The following ETV5 variants were observed in gnomAD, a reference collection of about 807,000 sequenced individuals.
The protein encoded by ETV5 is ETS translocation variant 5.
Under a neutral mutation model 70.0 loss-of-function variants are expected in ETV5, and 10 were observed. The ratio of observed to expected loss-of-function variants is 0.14; its 90% CI spans 0.09 to 0.24. The LOEUF (loss-of-function observed/expected upper bound fraction) is 0.24. Among genes scored for constraint, ETV5 ranks in the 10% least tolerant of loss-of-function variants. The pLI, the probability that ETV5 is intolerant of heterozygous loss-of-function variation, is 1.00. For missense variants in ETV5, 453 were observed against 651.2 expected, an observed-to-expected ratio of 0.70 and a Z score of 3.31; for synonymous variants, 216 against 242.2, an observed-to-expected ratio of 0.89 and a Z score of 1.01.
intron 5 of ETV5, among the ~76,000 whole-genome samples, chr3:186,088,122 T>G (rs4686729): frequency 0.075 from 11,476 of 152,264 alleles, 1,252 homozygotes; most frequent in East Asian, 0.53. Flanking sequence ...TTGTCCCTTC[T>G]TCAGTTTCAT....
At position 186,066,106 on chromosome 3, in the gene ETV5, A is replaced by T. The variant is rs768493281; in HGVS notation, c.651-34T>A. ...AGAAAGAGGTTTTCATGTTGAACAA[A>T]GACTTGATGAATTCCTACTATGATT... On this transcript the variant is annotated intron_variant, in intron 7 of 12. Transcript: ENST00000306376. The T allele has an allele frequency of 2.0e-6, 3 of 1,524,658 alleles. No homozygotes were observed. The East Asian group carries it at 6.9e-5, about 35-fold the overall frequency. The allele number at this position is 1,524,658 out of a possible 1,614,324, so 94.4% of individuals were successfully genotyped here. A position where few individuals can be genotyped will look rare whatever the true frequency, so the allele number is the denominator to read the frequency against.
chr3:186,081,888 G>A (rs936124595), intron 5 of ETV5, among the ~76,000 whole-genome samples: 4 of 152,202 alleles, frequency 2.6e-5, no homozygotes, highest in Admixed American at 6.5e-5. Flanking sequence ...GTAGGTTTGC[G>A]TAACCAGTCC....
Position 186,047,152 on chromosome 3 carries a change from G to A in ETV5, c.*1487C>T, listed in dbSNP as rs1349796571. ...TCACGGGGAGCACAGAATTCTACCA[G>A]CAGAGCAGGCAGCAAGGTACCACCA... is the stretch of plus-strand genomic sequence containing the variant. On this transcript the variant is annotated 3_prime_UTR_variant, in exon 13 of 13. Coordinates refer to ENST00000306376, the MANE Select transcript of ETV5 (RefSeq NM_004454.3). The A allele has an allele frequency of 1.7e-5, 4 of 228,996 alleles. No homozygotes were observed. The highest frequency in any genetic ancestry group is 8.9e-5 in the African/African-American group (4 of 45,120). The allele number at this position is 228,996 out of a possible 1,614,324, so 14.2% of individuals were successfully genotyped here.
intron 5 of ETV5, among the ~76,000 whole-genome samples, chr3:186,083,647 C>T (rs908485644): frequency 6.6e-6 from 1 of 152,084 alleles, no homozygotes; most frequent in Non-Finnish European, 1.5e-5. Flanking sequence ...TACCTTCTAC[C>T]CCAAAACGTC....
chr3:186,065,912 A>G lies in ETV5; in HGVS notation c.811T>C (p.Tyr271His), dbSNP rs1250787586. The change falls in exon 8 of 13, where the codon TAT (tyrosine) becomes CAT (histidine). Residue 271 changes from tyrosine to histidine, a missense_variant. Transcript: ENST00000306376. ...GFKQEYHDPL[Y>H]EHGVPGMPGP... ...GGCATGCCCGGGACCCCATGTTCATAGAGTGGGTCATGGTATTCTTGTTTG... is the reference window on the plus strand; with the variant it reads ...GGCATGCCCGGGACCCCATGTTCATGGAGTGGGTCATGGTATTCTTGTTTG... 1 of 1,613,824 alleles carries G rather than the reference A, an allele frequency of 6.2e-7. No homozygotes were observed.
Position 186,106,885 on chromosome 3 carries a change from ATT to A in ETV5, c.-74-945_-74-944del, listed in dbSNP as rs1414783280. The A allele has an allele frequency of 1.6e-5, 15 of 930,582 alleles. No individual in the cohort carries two copies. In the South Asian group the frequency reaches 6.0e-4, roughly 37 times the overall value. 57.6% of individuals were successfully genotyped at this position (930,582 alleles called of 1,614,324 possible). On this transcript the variant is annotated intron_variant, in intron 1 of 12. Transcript: ENST00000306376. Reference sequence around the variant, plus strand: ...AGGTACCATCTTCCTAAACACTTTTATTCTTCAAATAAAAACACCGTTAAGTC... The same window carrying A: ...AGGTACCATCTTCCTAAACACTTTTACTTCAAATAAAAACACCGTTAAGTC...
chr3:186,088,325 T>G (rs1313440505), intron 5 of ETV5, among the ~76,000 whole-genome samples: 7 of 152,166 alleles, frequency 4.6e-5, no homozygotes, highest in Non-Finnish European at 1.0e-4. Context: ...CTGGCCTAGG[T>G]CTCCAGAGCC....
rs1713185865 is a variant in ETV5 at position 186,057,206 on chromosome 3, G to T, written c.1078C>A (p.Pro360Thr). The T allele has an allele frequency of 1.9e-6, 3 of 1,614,182 alleles. No individual in the cohort carries two copies. The highest frequency in any genetic ancestry group is 1.7e-6 in the Non-Finnish European group (2 of 1,180,024). ...KQEPTMYREG[P>T]PYQRRGSLQL... is the part of the protein sequence containing the mutation. ...AGGGAACCTCGCCTCTGGTAAGGGG[G>T]CCCCTCTCGATACATGGTAGGCTCC... The change falls in exon 11 of 13, where the codon CCC becomes ACC. Residue 360 changes from proline to threonine, a missense_variant. By Grantham distance (38) the Pro-to-Thr change is conservative. Around this residue, in one of 4 missense-constraint regions of ETV5, gnomAD observed 25 missense variants for 114.3 expected, o/e 0.22. Coordinates refer to ENST00000306376, the MANE Select transcript of ETV5 (RefSeq NM_004454.3). This position sits in a 1 kb window ranked among gnomAD's most constrained non-coding sequence, Gnocchi z 4.9.
intron 7 of ETV5, among the ~76,000 whole-genome samples, chr3:186,069,919 G>A (rs1235436895): frequency 6.6e-6 from 1 of 151,986 alleles, no homozygotes; most frequent in East Asian, 1.9e-4. Flanking sequence ...CAATTCTCCT[G>A]TTTCAGCCTC....
At chr3:186,064,672 C>T (rs1578542676) in intron 8 of ETV5, 196 bp from the exon 9 acceptor site, 3 of 570,496 alleles carry the variant, frequency 5.3e-6, no homozygotes, top group East Asian at 5.6e-5. Flanking sequence ...AGCTGAAAGG[C>T]AGGCTCTCCT....
intron 7 of ETV5, among the ~76,000 whole-genome samples, chr3:186,066,887 CA>C (rs1466878148): frequency 3.3e-5 from 5 of 152,206 alleles, no homozygotes; most frequent in African/African-American, 1.2e-4. Flanking sequence ...AAGTATATTC[CA>C]AAATTTACTA....
rs779805627 is a variant in ETV5 at position 186,057,411 on chromosome 3, G to A, written c.1039+12C>T. The A allele has an allele frequency of 6.2e-7, 1 of 1,613,880 alleles. No homozygotes were observed. Among genetic ancestry groups the A allele is most frequent in the Non-Finnish European group, 8.5e-7 (1 of 1,179,784 alleles). Reference sequence around the variant, plus strand: ...CTCTACCTGGCAACAAACCTTGGATGGGGCTACTTACCTTCCAGTCTCTCA... The same window carrying A: ...CTCTACCTGGCAACAAACCTTGGATAGGGCTACTTACCTTCCAGTCTCTCA... On this transcript the variant is annotated intron_variant, in intron 10 of 12. Coordinates refer to ENST00000306376, the MANE Select transcript of ETV5 (RefSeq NM_004454.3). The surrounding 1 kb of genome is among the most constrained non-coding windows in gnomAD (Gnocchi z 4.9).
intron 1 of ETV5, chr3:186,108,502 C>T (rs749762475): frequency 1.3e-4 from 165 of 1,286,932 alleles, no homozygotes; most frequent in South Asian, 2.8e-4. Flanking sequence ...CAGCGCCTCT[C>T]AGACATTCCC....
Position 186,105,516 on chromosome 3 carries a change from C to A in ETV5, c.134-20G>T, listed in dbSNP as rs1249924085. 1.9e-6 allele frequency: 3 copies of A among 1,613,872 alleles called. 1 individual carries two copies. The highest frequency in any genetic ancestry group is 2.2e-5 in the East Asian group (1 of 44,884). ...ATAGCTCTGAAATTGAAAAAGAAGA[C>A]CCCAGAATGAGGATATTTCTTTCGC... On this transcript the variant is annotated intron_variant, in intron 3 of 12. Coordinates refer to ENST00000306376, the MANE Select transcript of ETV5 (RefSeq NM_004454.3). This position sits in a 1 kb window ranked among gnomAD's most constrained non-coding sequence, Gnocchi z 4.5.
intron 5 of ETV5, among the ~76,000 whole-genome samples, chr3:186,100,848 C>T (rs571214760): frequency 6.6e-6 from 1 of 152,222 alleles, no homozygotes; most frequent in South Asian, 2.1e-4. Context: ...ATTCAAGATG[C>T]TAACAGGTAT....
chr3:186,100,243 G>A (rs1046818690), intron 5 of ETV5, among the ~76,000 whole-genome samples: 1 of 152,164 alleles, frequency 6.6e-6, no homozygotes, highest in African/African-American at 2.4e-5. Context: ...TCTACCTTCA[G>A]AACTACTGAT....
At chr3:186,072,115 A>C (rs1284518216) in intron 7 of ETV5, among the ~76,000 whole-genome samples, 1 of 148,342 alleles carries the variant, frequency 6.7e-6, no homozygotes, top group Non-Finnish European at 1.5e-5. Flanking sequence ...CTGTAATCCC[A>C]GCACTTTGGG....
Position 186,065,947 on chromosome 3 carries a change from G to C in ETV5, c.776C>G (p.Pro259Arg), listed in dbSNP as rs1324052802. 1.9e-6 allele frequency: 3 copies of C among 1,612,154 alleles called. No individual in the cohort carries two copies. The highest frequency in any genetic ancestry group is 2.7e-5 in the African/African-American group (2 of 74,760). The change falls in exon 8 of 13, where the codon CCT (proline) becomes CGT (arginine). Residue 259 changes from proline to arginine, a missense_variant. Physicochemically the swap from Pro to Arg is moderately radical, Grantham distance 103. Transcript: ENST00000306376. ...EPIVPAAPPPPQGFKQEYHDP... is the reference protein window; with the variant it reads ...EPIVPAAPPPRQGFKQEYHDP... The stretch of plus-strand genomic sequence containing the variant: ...ATGGTATTCTTGTTTGAATCCCTGA[G>C]GGGGCGGGGGAGCTGCAGGGACAAT...
intron 11 of ETV5, among the ~76,000 whole-genome samples, chr3:186,056,150 C>T (rs750916610): frequency 3.3e-5 from 5 of 152,140 alleles, no homozygotes; most frequent in African/African-American, 2.4e-5. Context: ...ACTGAAGAAA[C>T]GGCACTGGTT....
Sources: allele counts gnomAD v4.1 joint callset (sites outside exome capture counted in the v4.1 genomes callset), GRCh38; gene constraint gnomAD v4.1.1; regional missense constraint gnomAD v4.1.1; non-coding constraint Gnocchi (gnomAD v3.1); transcripts MANE v1.5; gene names NCBI Gene and HGNC (gene_info 2026-07-23, HGNC 2026-07-21).